The following ERC1 variants were observed in gnomAD, a reference collection of about 807,000 sequenced individuals.
The protein encoded by ERC1 is ELKS/RAB6-interacting/CAST family member 1, also known as RAB6 interacting protein 2.
A neutral mutation model predicts 132.0 loss-of-function variants in ERC1; 56 were observed. The ratio of observed to expected loss-of-function variants is 0.42; its 90% CI spans 0.34 to 0.53. ERC1 has a LOEUF of 0.53. ERC1 is among the 20% of genes least tolerant of loss of function. The pLI is 0.03. For synonymous variants in ERC1, 478 were observed against 476.1 expected (o/e 1.00, Z -0.05); for missense variants, 1,202 against 1,349.9 (o/e 0.89, Z 1.72).
At chr12:1,281,037 G>C (rs1429104571) in intron 14 of ERC1, among the ~76,000 whole-genome samples, 1 of 152,052 alleles carries the variant, frequency 6.6e-6, no homozygotes, top group Admixed American at 6.6e-5. Context: ...TTGCAAATGA[G>C]AAGAATTAAA....
Position 1,272,783 on chromosome 12 carries a change from A to G in ERC1, c.2619+9618A>G, listed in dbSNP as rs569986874. On this transcript the variant is annotated intron_variant, in intron 14 of 18. Transcript: ENST00000360905. Reference sequence around the variant, plus strand: ...GCCAAGATGGTGAAGCCCCATCTCTACTAAAAATACAAAAATTAGCTGGGC... The same window carrying G: ...GCCAAGATGGTGAAGCCCCATCTCTGCTAAAAATACAAAAATTAGCTGGGC... 3.1e-3 allele frequency among the ~76,000 whole-genome samples: 478 copies of G among 152,002 alleles called. 4 individuals are homozygous for G. The highest frequency in any genetic ancestry group is 0.011 in the African/African-American group (457 of 41,454).
chr12:1,131,679 ATG>A (rs1179961735), intron 7 of ERC1, among the ~76,000 whole-genome samples: 2 of 152,014 alleles, frequency 1.3e-5, no homozygotes, highest in Non-Finnish European at 2.9e-5. Flanking sequence ...GTTAGCCAGG[ATG>A]GTCTCGATCT....
At chr12:1,261,810 A>G (rs1394823923) in intron 13 of ERC1, among the ~76,000 whole-genome samples, 1 of 152,210 alleles carries the variant, frequency 6.6e-6, no homozygotes, top group East Asian at 1.9e-4. Flanking sequence ...TGTAACATGA[A>G]CATCACGTAC....
intron 12 of ERC1, among the ~76,000 whole-genome samples, chr12:1,228,878 A>G (rs1334682768): frequency 3.3e-5 from 5 of 152,238 alleles, no homozygotes; most frequent in Non-Finnish European, 7.3e-5. Context: ...ATTATAGTGA[A>G]TGGTCCTTTT....
intron 15 of ERC1, among the ~76,000 whole-genome samples, chr12:1,352,221 T>C (rs2085068449): frequency 6.6e-6 from 1 of 152,178 alleles, no homozygotes; most frequent in Non-Finnish European, 1.5e-5. Flanking sequence ...CATTTCAAGA[T>C]TGAGTACCCA....
intron 2 of ERC1, among the ~76,000 whole-genome samples, chr12:1,081,745 T>C (rs1840902756): frequency 6.6e-6 from 1 of 152,160 alleles, no homozygotes; most frequent in Non-Finnish European, 1.5e-5. Context: ...AAACTTTTGG[T>C]TGAGATGAAT....
At chr12:1,232,331 G>C (rs1408562083) in intron 12 of ERC1, among the ~76,000 whole-genome samples, 1 of 152,162 alleles carries the variant, frequency 6.6e-6, no homozygotes, top group Non-Finnish European at 1.5e-5. Flanking sequence ...CATGAATCTA[G>C]ATGTCTGTAT....
chr12:1,007,540 C>CTCTCTCTCTCTGTGTGTGTGTGTGTG (rs1555194875), intron 1 of ERC1, among the ~76,000 whole-genome samples: 2 of 122,712 alleles, frequency 1.6e-5, no homozygotes, highest in African/African-American at 3.8e-5. Flanking sequence ...CTCTCTCTCT[C>CTCTCTCTCTCTGTGTGTGTGTGTGTG]TGTGTGTGTG....
intron 15 of ERC1, among the ~76,000 whole-genome samples, chr12:1,351,476 G>A (rs1213180467): frequency 6.6e-6 from 1 of 151,516 alleles, no homozygotes. Flanking sequence ...ATCTGGTAGT[G>A]TGTGTTCTGG....
chr12:1,317,579 T>TG lies in ERC1; in HGVS notation c.2780+27568dup, dbSNP rs1165725215. Among the ~76,000 whole-genome samples, 11 of 152,090 alleles carry TG rather than the reference T, an allele frequency of 7.2e-5. No individual in the cohort carries two copies. The East Asian group carries it at 2.1e-3, about 29-fold the overall frequency. ...AAAAAAAGTAAATCCAAAAAAAAAT[T>TG]GCTGCTGTTGAATTAGGTTAACAGT... On this transcript the variant is annotated intron_variant, in intron 15 of 18. Coordinates refer to ENST00000360905, the MANE Select transcript of ERC1 (RefSeq NM_178040.4).
chr12:998,946 G>A (rs1961554002), intron 1 of ERC1, among the ~76,000 whole-genome samples: 1 of 138,390 alleles, frequency 7.2e-6, no homozygotes, highest in Non-Finnish European at 1.5e-5. Context: ...TGCAACCTCC[G>A]CCTCCTGGGT....
intron 15 of ERC1, among the ~76,000 whole-genome samples, chr12:1,327,890 TGTC>T (rs2082570548): frequency 3.9e-5 from 6 of 152,022 alleles, no homozygotes. Context: ...CATCAAGAAA[TGTC>T]GTTTACTCAG....
At chr12:1,181,244 T>TG (rs1331943173) in intron 9 of ERC1, among the ~76,000 whole-genome samples, 1 of 152,172 alleles carries the variant, frequency 6.6e-6, no homozygotes, top group Non-Finnish European at 1.5e-5. Context: ...TTTTTTGGTG[T>TG]GTGAGTTGTG....
At chr12:1,346,913 CAG>C (rs2084521885) in intron 15 of ERC1, among the ~76,000 whole-genome samples, 2 of 136,254 alleles carry the variant, frequency 1.5e-5, no homozygotes, top group Non-Finnish European at 3.1e-5. Flanking sequence ...CTGCAGTCCG[CAG>C]TCCGGCCTGG....
intron 16 of ERC1, among the ~76,000 whole-genome samples, chr12:1,406,165 AT>A (rs986323619): frequency 1.2e-4 from 19 of 152,288 alleles, no homozygotes; most frequent in Non-Finnish European, 2.2e-4. Flanking sequence ...AACTGTTGTT[AT>A]CCCCATTTTA....
At chr12:1,368,343 T>C (rs1282858357) in intron 15 of ERC1, among the ~76,000 whole-genome samples, 1 of 152,230 alleles carries the variant, frequency 6.6e-6, no homozygotes, top group Non-Finnish European at 1.5e-5. Context: ...TTCTGTATCT[T>C]TCAGTTTTTC....
chr12:1,407,248 TG>T (rs1175780152), intron 16 of ERC1, among the ~76,000 whole-genome samples: 1 of 151,990 alleles, frequency 6.6e-6, no homozygotes, highest in Non-Finnish European at 1.5e-5. Flanking sequence ...AGACTCGAAT[TG>T]TTTATTGATG....
In ERC1 at chr12:1,114,568, C is replaced by T. The variant is rs555431573; in HGVS notation, c.1402-1298C>T. Among the ~76,000 whole-genome samples, 6 of 152,208 alleles carry T rather than the reference C, an allele frequency of 3.9e-5. No individual in the cohort carries two copies. The South Asian group carries it at 1.2e-3, about 32-fold the overall frequency. On this transcript the variant is annotated intron_variant, in intron 6 of 18. Transcript: ENST00000360905. ...TCATACAACAAATGTGTTTTTGTTA[C>T]AATCAGTGTGTTAGGGAATGGAATA... is the stretch of plus-strand genomic sequence containing the variant.
chr12:1,425,418 T>A (rs2092604823), intron 17 of ERC1, among the ~76,000 whole-genome samples: 1 of 152,218 alleles, frequency 6.6e-6, no homozygotes, highest in Non-Finnish European at 1.5e-5. Flanking sequence ...AGAAACAAAC[T>A]TAAGTACCAG....
Sources: allele counts gnomAD v4.1 joint callset (sites outside exome capture counted in the v4.1 genomes callset), GRCh38; gene constraint gnomAD v4.1.1; transcripts MANE v1.5; gene names NCBI Gene and HGNC (gene_info 2026-07-23, HGNC 2026-07-21).